Variants in MACROD2 observed in about 807,000 individuals in gnomAD.
MACROD2 encodes the protein mono-ADP ribosylhydrolase 2.
A neutral mutation model predicts 70.4 loss-of-function variants in MACROD2; 36 were observed. The observed-to-expected ratio is 0.51, with a 90% confidence interval of 0.39 to 0.68. MACROD2 has a LOEUF of 0.68. MACROD2 is among the 30% of genes least tolerant of loss of function. The pLI, the probability that MACROD2 is intolerant of heterozygous loss-of-function variation, is 0.00. For synonymous variants in MACROD2, 172 were observed against 178.8 expected (o/e 0.96, Z 0.30); for missense variants, 496 against 538.4 (o/e 0.92, Z 0.78).
intron 8 of MACROD2, among the ~76,000 whole-genome samples, chr20:15,639,976 A>G (rs1164150898): frequency 6.8e-6 from 1 of 146,462 alleles, no homozygotes; most frequent in Non-Finnish European, 1.5e-5. Flanking sequence ...AAGGAGAAAG[A>G]AAGAGGGGGT....
chr20:14,722,919 G>A (rs552470884), intron 5 of MACROD2, among the ~76,000 whole-genome samples: 15 of 152,158 alleles, frequency 9.9e-5, no homozygotes, highest in South Asian at 2.1e-4. Flanking sequence ...ACATAAGATC[G>A]TAAGAAATGA....
intron 8 of MACROD2, among the ~76,000 whole-genome samples, chr20:15,824,628 A>G (rs2063976980): frequency 6.6e-6 from 1 of 152,228 alleles, no homozygotes; most frequent in Non-Finnish European, 1.5e-5. Flanking sequence ...AAAAGAGCTT[A>G]ACACCAGTGT....
At chr20:15,630,289 T>A (rs73260693) in intron 8 of MACROD2, among the ~76,000 whole-genome samples, 2,827 of 152,304 alleles carry the variant, frequency 0.019, 81 homozygotes, top group African/African-American at 0.064. Context: ...ACAAAACTTC[T>A]GTGCTCTCTG....
At chr20:14,198,569 A>G (rs554116214) in intron 3 of MACROD2, among the ~76,000 whole-genome samples, 5 of 152,342 alleles carry the variant, frequency 3.3e-5, no homozygotes, top group South Asian at 4.1e-4. Context: ...GACCTTTTCC[A>G]TAGTCTATGT....
intron 8 of MACROD2, among the ~76,000 whole-genome samples, chr20:15,575,636 T>C (rs1248759351): frequency 6.6e-6 from 1 of 152,136 alleles, no homozygotes; most frequent in Non-Finnish European, 1.5e-5. Context: ...GCATTTGTAA[T>C]ATGTGTTTTT....
At chr20:14,133,574 A>G (rs1308676992) in intron 3 of MACROD2, among the ~76,000 whole-genome samples, 4 of 152,200 alleles carry the variant, frequency 2.6e-5, no homozygotes, top group African/African-American at 4.8e-5. Context: ...AAAACACAGT[A>G]AAGAGGTACC....
intron 6 of MACROD2, among the ~76,000 whole-genome samples, chr20:15,319,029 G>A (rs1037435503): frequency 1.2e-4 from 19 of 152,030 alleles, no homozygotes; most frequent in African/African-American, 4.6e-4. Flanking sequence ...TATTTCTAAT[G>A]GCAGATAACA....
chr20:14,271,966 C>G (rs961732785), intron 3 of MACROD2, among the ~76,000 whole-genome samples: 1 of 152,118 alleles, frequency 6.6e-6, no homozygotes, highest in African/African-American at 2.4e-5. Flanking sequence ...AAGAAACGAA[C>G]AAAGCCTCCA....
intron 8 of MACROD2, among the ~76,000 whole-genome samples, chr20:15,649,893 C>G (rs923583725): frequency 6.6e-6 from 1 of 152,154 alleles, no homozygotes; most frequent in African/African-American, 2.4e-5. Context: ...AGATTTGCTT[C>G]TAAAATAGTT....
At chr20:14,785,356 TTGTAAGCTAA>T (rs1274813234) in intron 5 of MACROD2, among the ~76,000 whole-genome samples, 1 of 152,072 alleles carries the variant, frequency 6.6e-6, no homozygotes. Context: ...GTTTGCACAC[TTGTAAGCTAA>T]TCTAATTTAA....
chr20:14,538,077 T>C (rs1296633092), intron 4 of MACROD2, among the ~76,000 whole-genome samples: 1 of 152,206 alleles, frequency 6.6e-6, no homozygotes, highest in Non-Finnish European at 1.5e-5. Flanking sequence ...CTGTTCTGTA[T>C]AAATAATCAG....
intron 5 of MACROD2, among the ~76,000 whole-genome samples, chr20:15,228,815 T>C (rs537238174): frequency 2.0e-5 from 3 of 152,272 alleles, no homozygotes; most frequent in African/African-American, 7.2e-5. Flanking sequence ...ACTTATTTGC[T>C]GCTATTGAAA....
At chr20:15,316,325 T>C (rs556226016) in intron 6 of MACROD2, among the ~76,000 whole-genome samples, 1 of 147,648 alleles carries the variant, frequency 6.8e-6, no homozygotes, top group East Asian at 2.0e-4. Context: ...TAAAGATAAA[T>C]GTGGGTTCAA....
intron 8 of MACROD2, among the ~76,000 whole-genome samples, chr20:15,532,395 T>G (rs1311524838): frequency 6.6e-6 from 1 of 152,134 alleles, no homozygotes; most frequent in East Asian, 1.9e-4. Flanking sequence ...ATATACTTTT[T>G]TTGTCTTTTT....
chr20:15,964,220 C>T (rs1297847413), intron 12 of MACROD2, among the ~76,000 whole-genome samples: 5 of 152,180 alleles, frequency 3.3e-5, no homozygotes, highest in Admixed American at 2.0e-4. Context: ...TGACCATATA[C>T]ACTGGTGTCT....
chr20:14,846,042 T>C (rs1184472345), intron 5 of MACROD2, among the ~76,000 whole-genome samples: 2 of 152,128 alleles, frequency 1.3e-5, no homozygotes, highest in Non-Finnish European at 1.5e-5. Context: ...ATGGCTAATA[T>C]TTATTTCATC....
intron 8 of MACROD2, among the ~76,000 whole-genome samples, chr20:15,663,560 A>T (rs1480967838): frequency 6.6e-6 from 1 of 152,014 alleles, no homozygotes; most frequent in East Asian, 1.9e-4. Flanking sequence ...TTATGTGAAA[A>T]TATTGGCCAC....
At chr20:15,046,524 CAT>C (rs1306696391) in intron 5 of MACROD2, among the ~76,000 whole-genome samples, 5 of 152,192 alleles carry the variant, frequency 3.3e-5, no homozygotes, top group African/African-American at 7.2e-5. Flanking sequence ...TGTTTTTGCA[CAT>C]GTGTACCTAG....
At chr20:14,015,082 C>T (rs1411641708) in intron 2 of MACROD2, among the ~76,000 whole-genome samples, 2 of 151,818 alleles carry the variant, frequency 1.3e-5, no homozygotes, top group African/African-American at 4.8e-5. Flanking sequence ...AAGTGTGAGC[C>T]ACTGTGCCCA....
Sources: gnomAD v4.1 joint callset for allele counts (sites outside exome capture counted in the v4.1 genomes callset) on GRCh38, gnomAD v4.1.1 for gene constraint, MANE v1.5 for transcripts, NCBI Gene and HGNC (gene_info 2026-07-23, HGNC 2026-07-21) for gene names.